The following NCOA3 variants were observed in gnomAD, a reference collection of about 807,000 sequenced individuals.
NCOA3 encodes the protein nuclear receptor coactivator 3.
Under a neutral mutation model 158.8 loss-of-function variants are expected in NCOA3, and 51 were observed. The ratio of observed to expected loss-of-function variants is 0.32; its 90% confidence interval spans 0.26 to 0.41. The LOEUF (loss-of-function observed/expected upper bound fraction) is 0.41. NCOA3 is among the 10% of genes least tolerant of loss of function. The probability of loss-of-function intolerance (pLI) is 1.00; values close to 1 mark genes in which losing one functional copy is unlikely to be tolerated. For missense variants in NCOA3, 1,510 were observed against 1,746.6 expected, an observed-to-expected ratio of 0.86 and a Z score of 2.41; for synonymous variants, 537 against 592.4, an observed-to-expected ratio of 0.91 and a Z score of 1.36.
At chr20:47,549,477 T>C (rs558562400) in intron 1 of NCOA3, among the ~76,000 whole-genome samples, 8 of 151,368 alleles carry the variant, frequency 5.3e-5, no homozygotes, top group African/African-American at 1.9e-4. Context: ...TGGCAATCAC[T>C]TGAGACCAGG....
chr20:47,609,120 T>C (rs1375681038), intron 2 of NCOA3, among the ~76,000 whole-genome samples: 1 of 152,240 alleles, frequency 6.6e-6, no homozygotes, highest in African/African-American at 2.4e-5. Context: ...AAAGACGTTT[T>C]GTAGCATATA....
chr20:47,623,806 A>G (rs1007881705), intron 3 of NCOA3, 105 bp from the exon 4 acceptor site: 7 of 1,102,798 alleles, frequency 6.3e-6, no homozygotes, highest in Non-Finnish European at 8.8e-6. Context: ...AAAAAAAAAA[A>G]AGTAATCATG....
At chr20:47,530,627 G>A (rs865869093) in intron 1 of NCOA3, among the ~76,000 whole-genome samples, 2 of 151,712 alleles carry the variant, frequency 1.3e-5, no homozygotes, top group Admixed American at 6.6e-5. Context: ...CATGCCTGGC[G>A]AATTTTTGTA....
intron 1 of NCOA3, among the ~76,000 whole-genome samples, chr20:47,570,917 C>T (rs759381993): frequency 3.3e-4 from 47 of 141,942 alleles, no homozygotes; most frequent in African/African-American, 2.9e-4. Flanking sequence ...CCACGTGCAC[C>T]GTTAATGAGC....
At chr20:47,548,316 G>T (rs2146147339) in intron 1 of NCOA3, among the ~76,000 whole-genome samples, 1 of 152,006 alleles carries the variant, frequency 6.6e-6, no homozygotes, top group Middle Eastern at 3.4e-3. Context: ...GTTGAGGCAG[G>T]CAGATCACCT....
At position 47,558,771 on chromosome 20, in the gene NCOA3, A is replaced by G. The variant is rs961327310; in HGVS notation, c.-98-24412A>G. Among the ~76,000 whole-genome samples, 3 of 138,546 alleles carry G rather than the reference A, an allele frequency of 2.2e-5. No individual in the cohort carries two copies. The South Asian group carries it at 6.7e-4, about 31-fold the overall frequency. The allele number at this position is 138,546 out of a possible 152,430, so 90.9% of individuals were successfully genotyped here. On this transcript the variant is annotated intron_variant, in intron 1 of 22. Transcript: ENST00000371998. ...GTGTGTGTTGTCTTTTAGCTCTTAC[A>G]TTTCTCTAAGATCCATATCTTAAAA...
intron 9 of NCOA3, 34 bp from the exon 10 acceptor site, chr20:47,634,012 CTG>C: frequency 6.2e-7 from 1 of 1,612,144 alleles, no homozygotes; most frequent in Non-Finnish European, 8.5e-7. Flanking sequence ...GTTTTGCTGA[CTG>C]TAGTTACCAG....
intron 1 of NCOA3, among the ~76,000 whole-genome samples, chr20:47,527,732 C>T (rs1342547087): frequency 6.6e-6 from 1 of 152,160 alleles, no homozygotes; most frequent in Non-Finnish European, 1.5e-5. Flanking sequence ...TGTGTTCTCA[C>T]CAGCAGTATA....
Position 47,636,448 on chromosome 20 carries a change from T to C in NCOA3, c.2062T>C (p.Leu688=). The part of the protein sequence containing the change: ...LQEKHRILHK[L]LQNGNSPAEV... ...AGAGAAGCACCGGATTTTGCACAAG[T>C]TGCTGCAGAATGGGAATTCACCAGC... The change falls in exon 12 of 23, where the codon TTG becomes CTG. Residue 688 remains leucine (L), a synonymous_variant. Transcript: ENST00000371998. 1 of 1,614,134 alleles carries C rather than the reference T, an allele frequency of 6.2e-7. No individual in the cohort carries two copies. The highest frequency in any genetic ancestry group is 8.5e-7 in the Non-Finnish European group (1 of 1,180,014).
At chr20:47,508,645 G>T (rs920392858) in intron 1 of NCOA3, among the ~76,000 whole-genome samples, 3 of 152,200 alleles carry the variant, frequency 2.0e-5, no homozygotes, top group African/African-American at 7.2e-5. Context: ...TATCATAATA[G>T]AAATGTCCTA....
intron 1 of NCOA3, among the ~76,000 whole-genome samples, chr20:47,577,577 G>A (rs945196202): frequency 1.3e-5 from 2 of 152,184 alleles, no homozygotes; most frequent in African/African-American, 4.8e-5. Context: ...CTTACTGAAT[G>A]AACATAGCTT....
At chr20:47,585,805 A>T (rs1180259950) in intron 2 of NCOA3, among the ~76,000 whole-genome samples, 1 of 152,154 alleles carries the variant, frequency 6.6e-6, no homozygotes, top group Non-Finnish European at 1.5e-5. Context: ...TTCAAATGGT[A>T]CTTTATCTGA....
intron 7 of NCOA3, 73 bp downstream of exon 7, chr20:47,627,822 T>G (rs1258802624): frequency 1.9e-6 from 3 of 1,581,614 alleles, no homozygotes; most frequent in Non-Finnish European, 2.6e-6. Context: ...AAACTTGTGT[T>G]GTAACCCTTC....
intron 1 of NCOA3, among the ~76,000 whole-genome samples, chr20:47,544,856 C>A (rs929604542): frequency 2.0e-5 from 3 of 152,076 alleles, no homozygotes; most frequent in African/African-American, 7.2e-5. Context: ...ATTTAATGCC[C>A]ACTACCATTT....
intron 1 of NCOA3, among the ~76,000 whole-genome samples, chr20:47,543,641 C>G (rs1473625002): frequency 6.6e-6 from 1 of 151,976 alleles, no homozygotes; most frequent in Non-Finnish European, 1.5e-5. Context: ...TCCCGAGTAG[C>G]TGGGACTACT....
chr20:47,530,879 GTTA>G (rs760668255), intron 1 of NCOA3, among the ~76,000 whole-genome samples: 2 of 152,184 alleles, frequency 1.3e-5, no homozygotes, highest in Non-Finnish European at 2.9e-5. Context: ...CAAACAAGGT[GTTA>G]TTATCCAACT....
intron 1 of NCOA3, among the ~76,000 whole-genome samples, chr20:47,566,443 A>G (rs2085196430): frequency 6.6e-6 from 1 of 152,108 alleles, no homozygotes; most frequent in Non-Finnish European, 1.5e-5. Flanking sequence ...TAAATGTTGT[A>G]TCTTAGGAGA....
intron 1 of NCOA3, among the ~76,000 whole-genome samples, chr20:47,505,226 T>A (rs1271350319): frequency 1.3e-5 from 2 of 151,224 alleles, no homozygotes; most frequent in Non-Finnish European, 2.9e-5. Context: ...CACGCCCGGC[T>A]ATTTTTGTAT....
At chr20:47,644,794 T>C (rs546715610) in intron 17 of NCOA3, among the ~76,000 whole-genome samples, 2 of 152,110 alleles carry the variant, frequency 1.3e-5, no homozygotes, top group East Asian at 3.9e-4. Flanking sequence ...ACCTCCTGTG[T>C]TCAAGCGATT....
Sources: gnomAD v4.1 joint callset for allele counts (sites outside exome capture counted in the v4.1 genomes callset) on GRCh38, gnomAD v4.1.1 for gene constraint, MANE v1.5 for transcripts, NCBI Gene and HGNC (gene_info 2026-07-23, HGNC 2026-07-21) for gene names.